Variants in COPB2 observed in about 807,000 individuals in gnomAD.
The protein encoded by COPB2 is coat protein complex I subunit beta 2.
In COPB2, 16 loss-of-function variants were observed where a neutral mutation model predicts 120.8. That is an observed-to-expected ratio of 0.13 (90% confidence interval 0.09 to 0.20). The LOEUF is 0.20. Ranked by LOEUF, COPB2 falls within the 10% of genes least tolerant of loss-of-function variation. The pLI, the probability that COPB2 is intolerant of heterozygous loss-of-function variation, is 1.00. For missense variants in COPB2, 794 were observed against 1,076.5 expected (o/e 0.74, Z 3.67); for synonymous variants, 332 against 366.3 (o/e 0.91, Z 1.07).
At chr3:139,377,685 A>G (rs1319351337) in intron 5 of COPB2, among the ~76,000 whole-genome samples, 1 of 152,234 alleles carries the variant, frequency 6.6e-6, no homozygotes, top group Non-Finnish European at 1.5e-5. Context: ...ATTTAAATGT[A>G]AAATAGATAA....
At chr3:139,366,370 G>A (rs529176536) in intron 15 of COPB2, among the ~76,000 whole-genome samples, 198 bp downstream of exon 15, 1 of 152,118 alleles carries the variant, frequency 6.6e-6, no homozygotes. Context: ...ACATTTAAAG[G>A]GGGCACTGAG....
intron 1 of COPB2, among the ~76,000 whole-genome samples, chr3:139,386,367 C>A (rs1941921705): frequency 6.6e-6 from 1 of 152,024 alleles, no homozygotes; most frequent in African/African-American, 2.4e-5. Flanking sequence ...AGGGATTCTG[C>A]CTCAGCCTCC....
chr3:139,371,509 C>T (rs965041482), intron 10 of COPB2, among the ~76,000 whole-genome samples: 3 of 152,200 alleles, frequency 2.0e-5, no homozygotes, highest in Non-Finnish European at 2.9e-5. Context: ...ATTGTATCAG[C>T]TTGAGTGAGC....
At chr3:139,373,512 T>G (rs1347084800) in intron 8 of COPB2, 100 bp from the exon 9 acceptor site, 3 of 1,511,002 alleles carry the variant, frequency 2.0e-6, no homozygotes, top group Non-Finnish European at 2.7e-6. Context: ...CTCCATTTCC[T>G]TTCTTCCACT....
rs1941312784 is a variant in COPB2, at chr3:139,357,569, A to C, written c.*294T>G. The C allele has an allele frequency of 8.1e-6, 2 of 245,872 alleles. No individual in the cohort carries two copies. The highest frequency in any genetic ancestry group is 1.5e-5 in the Non-Finnish European group (2 of 130,204). 15.2% of individuals were successfully genotyped at this position (245,872 alleles called of 1,614,324 possible). The stretch of plus-strand genomic sequence containing the variant: ...AACTAGAAGCCTATTTTCATTATTG[A>C]GAAAGGAAACAAGTACCTTCATTAA... On this transcript the variant is annotated 3_prime_UTR_variant, in exon 22 of 22. Transcript: ENST00000333188.
chr3:139,366,840 C>A, intron 14 of COPB2, 65 bp from the exon 15 acceptor site: 1 of 1,542,382 alleles, frequency 6.5e-7, no homozygotes, highest in Non-Finnish European at 8.9e-7. Context: ...CACACCCCGC[C>A]AATCTCCCTC....
Position 139,359,331 on chromosome 3 carries a change from T to G in COPB2, c.2242A>C (p.Thr748Pro), listed in dbSNP as rs1941366039. The stretch of plus-strand genomic sequence containing the variant: ...AAGGCAGCTTCTGGCAGCCGTCCAG[T>G]TCTAATTAAGAGCTCTAGGCAGGCA... Reference protein sequence around the residue: ...VDACLELLIRTGRLPEAAFLA... With the variant: ...VDACLELLIRPGRLPEAAFLA... Residue 748 changes from threonine to proline, a missense_variant, in exon 18 of 22, where the codon ACT (threonine) becomes CCT (proline). This residue lies in a region of COPB2 where 178 missense variants were observed against 183.2 expected (regional missense o/e 0.97). Transcript: ENST00000333188. 2 of 1,614,154 alleles carry G rather than the reference T, an allele frequency of 1.2e-6. No homozygotes were observed. Among genetic ancestry groups the G allele is most frequent in the Non-Finnish European group, 8.5e-7 (1 of 1,180,018 alleles).
intron 5 of COPB2, among the ~76,000 whole-genome samples, chr3:139,376,264 A>C (rs1395548961): frequency 6.6e-6 from 1 of 152,124 alleles, no homozygotes; most frequent in Admixed American, 6.5e-5. Context: ...AAAATACATA[A>C]ATAAATAAAT....
chr3:139,358,139 C>G (rs1000485443), intron 21 of COPB2, 61 bp downstream of exon 21: 1 of 1,459,958 alleles, frequency 6.8e-7, no homozygotes, highest in Admixed American at 1.7e-5. Flanking sequence ...TACGTATCCT[C>G]CAGATATTGA....
chr3:139,361,397 T>C, intron 16 of COPB2, 102 bp from the exon 17 acceptor site: 1 of 1,197,588 alleles, frequency 8.4e-7, no homozygotes. Context: ...TAAAAAGAGC[T>C]GTGTTTGTTA....
chr3:139,358,318 G>A (rs374521928), intron 20 of COPB2, 47 bp from the exon 21 acceptor site: 46 of 1,522,670 alleles, frequency 3.0e-5, no homozygotes, highest in East Asian at 1.8e-4. Flanking sequence ...GAATTTACTC[G>A]GGAATTTAAA....
In COPB2 at chr3:139,389,620, G is replaced by A. The variant is rs1219494245; in HGVS notation, c.-70C>T. 7.5e-6 allele frequency: 11 copies of A among 1,460,414 alleles called. No individual in the cohort carries two copies. Among genetic ancestry groups the A allele is most frequent in the Non-Finnish European group, 1.0e-5 (11 of 1,063,796 alleles). The allele number at this position is 1,460,414 out of a possible 1,614,324, so 90.5% of individuals were successfully genotyped here. A position where few individuals can be genotyped will look rare whatever the true frequency, so the allele number is the denominator to read the frequency against. On this transcript the variant is annotated 5_prime_UTR_variant, in exon 1 of 22. Coordinates refer to ENST00000333188, the MANE Select transcript of COPB2 (RefSeq NM_004766.3). ...ACTCAGGCCTTGAGATAAACCCACC[G>A]ATCCACTGACCGTCAGACTGACTGA...
Position 139,371,800 on chromosome 3 carries a change from G to A in COPB2, c.1128C>T (p.Ile376=), listed in dbSNP as rs147356224. ...FVVVCGDGEY[I]IYTAMALRNK... is the part of the protein sequence containing the mutation. ...TTCTCAATGCCATTGCTGTGTAGAT[G>A]ATATACTCCCCATCACCACACACCA... Residue 376 remains isoleucine, a synonymous_variant, in exon 10 of 22, where the codon ATC becomes ATT. Transcript: ENST00000333188. 5 of 1,613,618 alleles carry A rather than the reference G, an allele frequency of 3.1e-6. No homozygotes were observed. The highest frequency in any genetic ancestry group is 4.2e-6 in the Non-Finnish European group (5 of 1,179,820).
intron 1 of COPB2, among the ~76,000 whole-genome samples, chr3:139,386,482 C>G (rs992233363): frequency 1.3e-5 from 2 of 152,258 alleles, no homozygotes; most frequent in African/African-American, 4.8e-5. Flanking sequence ...GAACTCCTCT[C>G]CTGACCTTGT....
chr3:139,366,677 A>G lies in COPB2; in HGVS notation c.1775T>C (p.Leu592Pro), dbSNP rs761535819. The change falls in exon 15 of 22, where the codon CTG becomes CCG. Residue 592 changes from leucine (L) to proline (P), a missense_variant. By Grantham distance (98) the Leu-to-Pro change is moderately conservative. This residue lies in a region of COPB2 where 610 missense variants were observed against 866.7 expected (regional missense o/e 0.70). Coordinates refer to ENST00000333188, the MANE Select transcript of COPB2 (RefSeq NM_004766.3). The stretch of plus-strand genomic sequence containing the variant: ...CCGCATGACAGCTGTCTGGTATTCC[A>G]GGACTGAAACCAGCAGGGAATAGCT... ...IISYSLLVSV[L>P]EYQTAVMRRD... The G allele has an allele frequency of 1.2e-6, 2 of 1,614,112 alleles. No individual in the cohort carries two copies. Among genetic ancestry groups the G allele is most frequent in the Non-Finnish European group, 1.7e-6 (2 of 1,179,968 alleles).
At chr3:139,387,579 A>C (rs1421936191) in intron 1 of COPB2, among the ~76,000 whole-genome samples, 10 of 152,214 alleles carry the variant, frequency 6.6e-5, no homozygotes, top group Non-Finnish European at 1.3e-4. Flanking sequence ...ACTTGTGTAC[A>C]CATCTTTTCT....
chr3:139,361,632 T>C (rs953941404), intron 16 of COPB2, among the ~76,000 whole-genome samples: 1 of 152,274 alleles, frequency 6.6e-6, no homozygotes, highest in Non-Finnish European at 1.5e-5. Flanking sequence ...AGTGATTTAA[T>C]ATCACTTTTT....
intron 1 of COPB2, chr3:139,384,867 G>A (rs1941885133): frequency 6.6e-6 from 1 of 152,218 alleles, no homozygotes; most frequent in Non-Finnish European, 1.5e-5. Context: ...ATTGTGAAAG[G>A]TGCCAATAGC....
intron 1 of COPB2, among the ~76,000 whole-genome samples, chr3:139,387,275 GAAAGA>G (rs1169135653): frequency 6.6e-6 from 1 of 151,830 alleles, no homozygotes; most frequent in Non-Finnish European, 1.5e-5. Flanking sequence ...AAAAAGAAAA[GAAAGA>G]AAAGAAAGAA....
Sources: gnomAD v4.1 joint callset for allele counts (sites outside exome capture counted in the v4.1 genomes callset) on GRCh38, gnomAD v4.1.1 for gene constraint, gnomAD v4.1.1 regional missense constraint, MANE v1.5 for transcripts, NCBI Gene and HGNC (gene_info 2026-07-23, HGNC 2026-07-21) for gene names.